PKIB: variants seen among roughly 807,000 people sequenced by gnomAD.
PKIB encodes cAMP-dependent protein kinase inhibitor beta, also known as PKI-beta.
PKIB carries 2 observed loss-of-function variants against 4.5 expected under a neutral mutation model. That is an observed-to-expected ratio of 0.44 (90% CI 0.18 to 1.39). PKIB has a LOEUF of 1.39. Among genes scored for constraint, PKIB ranks in the 40% most tolerant of loss-of-function variants. The pLI, the probability that PKIB is intolerant of heterozygous loss-of-function variation, is 0.27. For synonymous variants in PKIB, 38 were observed against 36.0 expected, an observed-to-expected ratio of 1.06 and a Z score of -0.20; for missense variants, 94 against 92.6, an observed-to-expected ratio of 1.02 and a Z score of -0.06.
intron 2 of PKIB, among the ~76,000 whole-genome samples, chr6:122,639,727 G>T (rs1414783385): frequency 2.0e-5 from 3 of 152,168 alleles, no homozygotes; most frequent in East Asian, 3.9e-4. Context: ...GGGAAAACTA[G>T]ATTTGAATGG....
chr6:122,661,122 C>T (rs1399853257), intron 2 of PKIB, among the ~76,000 whole-genome samples: 2 of 152,138 alleles, frequency 1.3e-5, no homozygotes, highest in African/African-American at 4.8e-5. Context: ...AGATGATTGG[C>T]ATATCGCACA....
In PKIB at chr6:122,529,569, C is replaced by T. The variant is rs150425197; in HGVS notation, c.-248+51630C>T. 4.1e-4 allele frequency among the ~76,000 whole-genome samples: 62 copies of T among 152,200 alleles called. 1 individual carries two copies. The highest frequency in any genetic ancestry group is 1.3e-3 in the African/African-American group (54 of 41,536). On this transcript the variant is annotated intron_variant, in intron 2 of 6. Transcript: ENST00000392491. ...GCTGTCTACTATCCTTTTGTTTCAA[C>T]TTGAAGGGCACCTGTTAGTTAACCT...
At chr6:122,612,127 C>T (rs1305618836) in intron 1 of PKIB, among the ~76,000 whole-genome samples, 2 of 152,080 alleles carry the variant, frequency 1.3e-5, no homozygotes, top group Non-Finnish European at 2.9e-5. Context: ...TAGTCGATTG[C>T]AAACATATTG....
intron 3 of PKIB, among the ~76,000 whole-genome samples, chr6:122,695,672 T>C (rs1056860504): frequency 1.3e-5 from 2 of 152,146 alleles, no homozygotes; most frequent in Non-Finnish European, 2.9e-5. Context: ...TATTTTAGTC[T>C]AATCTCTTCT....
intron 2 of PKIB, among the ~76,000 whole-genome samples, chr6:122,541,261 C>T (rs889130314): frequency 6.6e-6 from 1 of 152,050 alleles, no homozygotes; most frequent in Non-Finnish European, 1.5e-5. Flanking sequence ...TTAGTTGATG[C>T]AGTTTCTTCC....
intron 2 of PKIB, among the ~76,000 whole-genome samples, chr6:122,551,874 CTTTT>C (rs61025863): frequency 5.5e-4 from 48 of 87,504 alleles, no homozygotes; most frequent in African/African-American, 1.8e-3. Context: ...CTTAGTACAT[CTTTT>C]TTTTTTTTTT....
chr6:122,474,049 C>G lies in PKIB; in HGVS notation c.-337+2008C>G, dbSNP rs568802607. Among the ~76,000 whole-genome samples the G allele has an allele frequency of 1.7e-4, 26 of 152,278 alleles. No individual in the cohort carries two copies. In the East Asian group the frequency reaches 3.7e-3, roughly 21 times the overall value. On this transcript the variant is annotated intron_variant, in intron 1 of 6. Transcript: ENST00000392491. ...TCAGGAGGCTGAGGCTGGAGAATTG[C>G]TTGAACCCAGGAGGCAGAGGTTGCA...
At chr6:122,612,767 G>T (rs181709299) in intron 1 of PKIB, among the ~76,000 whole-genome samples, 9 of 152,272 alleles carry the variant, frequency 5.9e-5, no homozygotes, top group African/African-American at 2.2e-4. Context: ...GCATTCAAGT[G>T]TTTGTGAGTA....
chr6:122,707,843 A>G (rs1482942235), intron 3 of PKIB, among the ~76,000 whole-genome samples: 3 of 152,168 alleles, frequency 2.0e-5, no homozygotes, highest in Admixed American at 1.3e-4. Context: ...TATGCACCAG[A>G]ATTACAACAG....
intron 3 of PKIB, among the ~76,000 whole-genome samples, chr6:122,695,189 G>A (rs1482000114): frequency 6.6e-6 from 1 of 152,066 alleles, no homozygotes; most frequent in Non-Finnish European, 1.5e-5. Flanking sequence ...AATGAATTCT[G>A]CCAATTGTTG....
intron 1 of PKIB, among the ~76,000 whole-genome samples, chr6:122,628,815 T>G (rs1173708208): frequency 6.6e-6 from 1 of 152,216 alleles, no homozygotes; most frequent in Non-Finnish European, 1.5e-5. Flanking sequence ...CTCTCCTCTC[T>G]GTAACCAATT....
At chr6:122,649,420 A>G (rs1776459376) in intron 2 of PKIB, among the ~76,000 whole-genome samples, 1 of 152,202 alleles carries the variant, frequency 6.6e-6, no homozygotes, top group South Asian at 2.1e-4. Context: ...TTGGCATATC[A>G]TGCAAGACCA....
At chr6:122,701,452 G>A in intron 3 of PKIB, 1 of 1,584,892 alleles carries the variant, frequency 6.3e-7, no homozygotes, top group Non-Finnish European at 8.6e-7. Flanking sequence ...TGAAGCTTCA[G>A]AGATCACCTG....
chr6:122,572,227 A>G (rs978038965), intron 2 of PKIB, among the ~76,000 whole-genome samples: 1 of 152,226 alleles, frequency 6.6e-6, no homozygotes, highest in African/African-American at 2.4e-5. Context: ...CAAAATGATT[A>G]GTTCAACAAG....
chr6:122,714,056 T>C (rs1779380931), intron 3 of PKIB, among the ~76,000 whole-genome samples: 1 of 152,202 alleles, frequency 6.6e-6, no homozygotes, highest in Non-Finnish European at 1.5e-5. Context: ...TCTCCAGTGG[T>C]ACAATAAATC....
intron 3 of PKIB, among the ~76,000 whole-genome samples, chr6:122,710,008 CTTATTA>C (rs1240240910): frequency 6.6e-6 from 1 of 152,054 alleles, no homozygotes; most frequent in African/African-American, 2.4e-5. Context: ...AACTTTCAGT[CTTATTA>C]TTTATTTACT....
chr6:122,701,574 C>T, intron 3 of PKIB: 2 of 1,501,088 alleles, frequency 1.3e-6, no homozygotes, highest in South Asian at 1.2e-5. Flanking sequence ...AACAGTGCCA[C>T]ATAGGCCATA....
chr6:122,645,381 T>A (rs980315272), intron 2 of PKIB, among the ~76,000 whole-genome samples: 1 of 152,136 alleles, frequency 6.6e-6, no homozygotes, highest in African/African-American at 2.4e-5. Context: ...TTTCCGCTGA[T>A]GGGAGAAAGT....
chr6:122,601,655 A>T (rs1252951900), intron 3 of PKIB, among the ~76,000 whole-genome samples: 2 of 152,122 alleles, frequency 1.3e-5, no homozygotes, highest in Non-Finnish European at 2.9e-5. Context: ...GAGGATGAAG[A>T]CCTTTATAAT....
Sources: allele counts gnomAD v4.1 joint callset (sites outside exome capture counted in the v4.1 genomes callset), GRCh38; gene constraint gnomAD v4.1.1; transcripts MANE v1.5; gene names NCBI Gene and HGNC (gene_info 2026-07-23, HGNC 2026-07-21).